Variants in ERC1 observed in about 807,000 individuals in gnomAD.
ERC1 encodes the protein ELKS/RAB6-interacting/CAST family member 1, also known as RAB6 interacting protein 2.
Under a neutral mutation model 132.0 loss-of-function variants are expected in ERC1, and 56 were observed. The ratio of observed to expected loss-of-function variants is 0.42; its 90% CI spans 0.34 to 0.53. The LOEUF is 0.53. ERC1 is among the 20% of genes least tolerant of loss of function. ERC1 has a pLI of 0.03. For synonymous variants in ERC1, 478 were observed against 476.1 expected (o/e 1.00, Z -0.05); for missense variants, 1,202 against 1,349.9 (o/e 0.89, Z 1.72).
chr12:1,374,099 G>C (rs750531141), intron 16 of ERC1, among the ~76,000 whole-genome samples: 5 of 152,218 alleles, frequency 3.3e-5, no homozygotes, highest in Non-Finnish European at 5.9e-5. Flanking sequence ...TTTTGGACAA[G>C]GGAGAGGCCT....
intron 3 of ERC1, among the ~76,000 whole-genome samples, chr12:1,093,977 A>ATTTTTTTTTC (rs67293288): frequency 5.4e-5 from 7 of 129,546 alleles, no homozygotes; most frequent in African/African-American, 1.7e-4. Context: ...ATATATATAT[A>ATTTTTTTTTC]TATATATAGA....
At position 1,033,849 on chromosome 12, in the gene ERC1, C is replaced by T. The variant is rs998250734; in HGVS notation, c.669+5277C>T. Among the ~76,000 whole-genome samples, 9 of 151,966 alleles carry T rather than the reference C, an allele frequency of 5.9e-5. No homozygotes were observed. In the South Asian group the frequency reaches 1.0e-3, roughly 18 times the overall value. ...TTTGCCATTTTGGCCAGGCTGGTCTCGAACTCCTGACCTCAGGTGATCTGC... is the reference window on the plus strand; with the variant it reads ...TTTGCCATTTTGGCCAGGCTGGTCTTGAACTCCTGACCTCAGGTGATCTGC... On this transcript the variant is annotated intron_variant, in intron 2 of 18. Coordinates refer to ENST00000360905, the MANE Select transcript of ERC1 (RefSeq NM_178040.4).
intron 3 of ERC1, among the ~76,000 whole-genome samples, chr12:1,104,128 A>G (rs1489701057): frequency 7.9e-6 from 1 of 126,660 alleles, no homozygotes; most frequent in South Asian, 2.5e-4. Context: ...AATTTGGGTA[A>G]AAAAAAAAAA....
intron 15 of ERC1, among the ~76,000 whole-genome samples, chr12:1,329,293 CA>C (rs537261329): frequency 0.048 from 3,963 of 83,266 alleles, 252 homozygotes; most frequent in Middle Eastern, 0.16. Context: ...GACTCTGAAT[CA>C]AAAAAAAAAA....
intron 14 of ERC1, among the ~76,000 whole-genome samples, chr12:1,283,832 T>C (rs988217822): frequency 6.6e-5 from 10 of 152,244 alleles, no homozygotes; most frequent in African/African-American, 2.4e-4. Context: ...TATTTTGATA[T>C]ATGTGTACAA....
At chr12:1,420,644 A>G (rs989474941) in intron 17 of ERC1, among the ~76,000 whole-genome samples, 1 of 151,928 alleles carries the variant, frequency 6.6e-6, no homozygotes, top group African/African-American at 2.4e-5. Context: ...TTTAGTAGAG[A>G]TGGGGCTTCA....
intron 1 of ERC1, among the ~76,000 whole-genome samples, chr12:1,010,028 A>G (rs977781447): frequency 1.3e-5 from 2 of 152,202 alleles, no homozygotes; most frequent in Admixed American, 6.5e-5. Context: ...TTCTAAATTT[A>G]TGATTTCTCC....
chr12:1,092,853 T>C (rs936434817), intron 3 of ERC1, among the ~76,000 whole-genome samples: 5 of 152,164 alleles, frequency 3.3e-5, no homozygotes, highest in Non-Finnish European at 7.4e-5. Context: ...CCCAGCTCTT[T>C]GTGAGGCTGG....
At chr12:1,387,238 C>A (rs1003427019) in intron 16 of ERC1, among the ~76,000 whole-genome samples, 3 of 152,094 alleles carry the variant, frequency 2.0e-5, no homozygotes, top group Non-Finnish European at 2.9e-5. Flanking sequence ...TCAAGTGATG[C>A]TGTTTAGATG....
At chr12:1,075,433 C>T (rs1232627382) in intron 2 of ERC1, among the ~76,000 whole-genome samples, 1 of 152,204 alleles carries the variant, frequency 6.6e-6, no homozygotes, top group African/African-American at 2.4e-5. Context: ...TGCCTCATGC[C>T]TGTAATCCCA....
intron 11 of ERC1, among the ~76,000 whole-genome samples, chr12:1,188,410 C>G (rs367669184): frequency 7.8e-4 from 119 of 152,282 alleles, no homozygotes; most frequent in African/African-American, 2.6e-3. Flanking sequence ...GAAGGATTGA[C>G]TGCTACAGGA....
rs1360966932 is a variant in ERC1, at chr12:1,400,914, G to GTAT, written c.2926-7233_2926-7231dup. 4.5e-4 allele frequency among the ~76,000 whole-genome samples: 5 copies of GTAT among 11,130 alleles called. 1 individual carries two copies. The highest frequency in any genetic ancestry group is 1.7e-3 in the African/African-American group (3 of 1,782). The allele number at this position is 11,130 out of a possible 152,430, so 7.3% of individuals were successfully genotyped here. ...ATTCAATATTGTTTTGGCTATTTTTGTATTTTTTTTTTTTTTTTTTTTTTT... is the reference window on the plus strand; with the variant it reads ...ATTCAATATTGTTTTGGCTATTTTTGTATTATTTTTTTTTTTTTTTTTTTTTTT... On this transcript the variant is annotated intron_variant, in intron 16 of 18. Coordinates refer to ENST00000360905, the MANE Select transcript of ERC1 (RefSeq NM_178040.4).
intron 14 of ERC1, among the ~76,000 whole-genome samples, chr12:1,286,917 T>G (rs891242996): frequency 2.0e-5 from 3 of 152,238 alleles, no homozygotes; most frequent in Admixed American, 6.5e-5. Flanking sequence ...TTACGTGTTC[T>G]AGAACAGTAC....
chr12:1,193,004 G>A (rs1955884041), intron 12 of ERC1, among the ~76,000 whole-genome samples: 1 of 152,024 alleles, frequency 6.6e-6, no homozygotes, highest in Admixed American at 6.6e-5. Context: ...ATTTCTTAAG[G>A]GTGTTCAGCA....
At chr12:1,413,745 C>T (rs1485119431) in intron 17 of ERC1, among the ~76,000 whole-genome samples, 1 of 152,172 alleles carries the variant, frequency 6.6e-6, no homozygotes, top group Non-Finnish European at 1.5e-5. Context: ...CAGTAAATCA[C>T]TTGAATAAAT....
At chr12:1,249,174 A>G (rs557081615) in intron 13 of ERC1, among the ~76,000 whole-genome samples, 6 of 152,128 alleles carry the variant, frequency 3.9e-5, no homozygotes, top group Admixed American at 3.9e-4. Context: ...TATACTTTAC[A>G]TTACTTATTA....
chr12:1,125,058 A>G (rs11061642), intron 7 of ERC1, among the ~76,000 whole-genome samples: 93,101 of 151,656 alleles, frequency 0.61, 30,901 homozygotes, highest in East Asian at 0.87. Flanking sequence ...GCAGTGGCAC[A>G]ATCTTGGCTC....
chr12:1,483,240 G>A (rs960190541), intron 18 of ERC1, among the ~76,000 whole-genome samples: 1 of 152,216 alleles, frequency 6.6e-6, no homozygotes, highest in Non-Finnish European at 1.5e-5. Flanking sequence ...GGAGGTTGCA[G>A]TGAGCTGAGA....
chr12:1,199,484 G>T (rs1387409332), intron 12 of ERC1, among the ~76,000 whole-genome samples: 1 of 151,348 alleles, frequency 6.6e-6, no homozygotes, highest in African/African-American at 2.5e-5. Context: ...AAAAAAAAAT[G>T]TTATGGCCAG....
Sources: gnomAD v4.1 joint callset for allele counts (sites outside exome capture counted in the v4.1 genomes callset) on GRCh38, gnomAD v4.1.1 for gene constraint, MANE v1.5 for transcripts, NCBI Gene and HGNC (gene_info 2026-07-23, HGNC 2026-07-21) for gene names.